Variants in RBMS1 observed in about 807,000 individuals in gnomAD.
RBMS1 encodes RNA-binding motif, single-stranded-interacting protein 1.
In RBMS1, 17 loss-of-function variants were observed where a neutral mutation model predicts 62.3. The ratio of observed to expected loss-of-function variants is 0.27; its 90% CI spans 0.19 to 0.41. The LOEUF (loss-of-function observed/expected upper bound fraction) is 0.41, where lower values mean the gene tolerates loss of function less well. Ranked by LOEUF, RBMS1 falls within the 10% of genes least tolerant of loss-of-function variation. The probability of loss-of-function intolerance (pLI) is 1.00; values close to 1 mark genes in which losing one functional copy is unlikely to be tolerated. For missense variants in RBMS1, 334 were observed against 504.5 expected (o/e 0.66, Z 3.24); for synonymous variants, 172 against 170.0 (o/e 1.01, Z -0.09).
chr2:160,366,982 A>C (rs1165747909), intron 2 of RBMS1: 1 of 348,044 alleles, frequency 2.9e-6, no homozygotes, highest in Admixed American at 4.5e-5. Context: ...CCATAAAGTC[A>C]AATTCTATTG....
At chr2:160,473,566 A>G (rs1351787799) in intron 1 of RBMS1, among the ~76,000 whole-genome samples, 6 of 152,226 alleles carry the variant, frequency 3.9e-5, no homozygotes, top group African/African-American at 9.6e-5. Flanking sequence ...GAGTTTTATA[A>G]GAATGAGGCT....
chr2:160,365,738 T>C (rs1693360077), intron 2 of RBMS1, among the ~76,000 whole-genome samples: 1 of 152,238 alleles, frequency 6.6e-6, no homozygotes, highest in African/African-American at 2.4e-5. Flanking sequence ...TTCTGCTTCT[T>C]ACAGTCATAT....
rs1696346569 is a variant in RBMS1, at chr2:160,419,771, C to CA, written c.76-52381dup. Among the ~76,000 whole-genome samples the CA allele has an allele frequency of 3.3e-5, 5 of 152,106 alleles. No individual in the cohort carries two copies. The South Asian group carries it at 1.0e-3, about 32-fold the overall frequency. On this transcript the variant is annotated intron_variant, in intron 1 of 13. Transcript: ENST00000348849. ...CTTTTAAATAACTACTTTATCTGCC[C>CA]ATTTACCTTTTCCTCATGAATCTCT...
intron 6 of RBMS1, among the ~76,000 whole-genome samples, chr2:160,299,586 T>C (rs1337024789): frequency 6.6e-6 from 1 of 152,056 alleles, no homozygotes; most frequent in African/African-American, 2.4e-5. Flanking sequence ...GGCAGAGCAA[T>C]GTCTCAATGA....
chr2:160,283,036 T>C (rs529866550), intron 9 of RBMS1: 1 of 152,306 alleles, frequency 6.6e-6, no homozygotes, highest in African/African-American at 2.4e-5. Flanking sequence ...CTATATCAAA[T>C]CTATTACTGA....
At chr2:160,313,421 G>A (rs1159123624) in intron 3 of RBMS1, among the ~76,000 whole-genome samples, 174 bp from the exon 4 acceptor site, 4 of 152,246 alleles carry the variant, frequency 2.6e-5, no homozygotes, top group South Asian at 2.1e-4. Context: ...CTTCCCTGTC[G>A]TCTATCACCA....
At chr2:160,379,373 T>C (rs1025640875) in intron 1 of RBMS1, among the ~76,000 whole-genome samples, 1 of 152,204 alleles carries the variant, frequency 6.6e-6, no homozygotes, top group African/African-American at 2.4e-5. Flanking sequence ...ATACTGCATA[T>C]TTGGACTGAG....
At chr2:160,464,572 T>C (rs1684609120) in intron 1 of RBMS1, among the ~76,000 whole-genome samples, 1 of 152,214 alleles carries the variant, frequency 6.6e-6, no homozygotes, top group Admixed American at 6.5e-5. Context: ...GTAAAGCATA[T>C]GGTCAATATT....
chr2:160,493,371 G>C lies in RBMS1; in HGVS notation c.-8C>G, dbSNP rs770886986. 1.2e-6 allele frequency: 2 copies of C among 1,613,070 alleles called. No homozygotes were observed. The highest frequency in any genetic ancestry group is 2.2e-5 in the South Asian group (2 of 91,062). The stretch of plus-strand genomic sequence containing the variant: ...TTTCCACACTTTGCCCATGAAGCTG[G>C]AAGGGAGCCTGCCGTGCAGGGTCGC... On this transcript the variant is annotated 5_prime_UTR_variant, in exon 1 of 14. Coordinates refer to ENST00000348849, the MANE Select transcript of RBMS1 (RefSeq NM_016836.4).
At chr2:160,424,471 G>A (rs895213261) in intron 1 of RBMS1, among the ~76,000 whole-genome samples, 7 of 151,834 alleles carry the variant, frequency 4.6e-5, no homozygotes, top group African/African-American at 7.3e-5. Flanking sequence ...TGAGAAGCAC[G>A]TTTTCTCTCA....
At chr2:160,417,085 T>C (rs924583546) in intron 1 of RBMS1, among the ~76,000 whole-genome samples, 2 of 152,190 alleles carry the variant, frequency 1.3e-5, no homozygotes, top group Non-Finnish European at 2.9e-5. Flanking sequence ...GTCCTGCACA[T>C]AGTTATGTTT....
chr2:160,315,986 T>A (rs1472076561), intron 3 of RBMS1, among the ~76,000 whole-genome samples: 1 of 152,222 alleles, frequency 6.6e-6, no homozygotes, highest in African/African-American at 2.4e-5. Context: ...CATTCCCATA[T>A]ATAAAGTCCT....
intron 1 of RBMS1, among the ~76,000 whole-genome samples, chr2:160,483,033 C>T (rs1685432145): frequency 6.6e-6 from 1 of 151,722 alleles, no homozygotes; most frequent in East Asian, 1.9e-4. Flanking sequence ...AGATATCACC[C>T]ACTGTCATTT....
At chr2:160,344,081 T>A (rs1203332197) in intron 2 of RBMS1, among the ~76,000 whole-genome samples, 1 of 152,174 alleles carries the variant, frequency 6.6e-6, no homozygotes, top group Non-Finnish European at 1.5e-5. Context: ...CAACTTGTCA[T>A]TAGGAAAGCA....
intron 6 of RBMS1, among the ~76,000 whole-genome samples, chr2:160,295,908 T>C (rs1193904324): frequency 2.0e-5 from 3 of 152,224 alleles, no homozygotes; most frequent in South Asian, 2.1e-4. Flanking sequence ...TCTCAAACTT[T>C]CCTTGTTGCA....
chr2:160,343,000 G>T (rs950355320), intron 2 of RBMS1, among the ~76,000 whole-genome samples: 3 of 152,014 alleles, frequency 2.0e-5, no homozygotes, highest in Non-Finnish European at 4.4e-5. Context: ...ACTGGAATAA[G>T]GGACCTATGA....
chr2:160,389,794 CTAGT>C (rs1694765600), intron 1 of RBMS1, among the ~76,000 whole-genome samples: 1 of 139,958 alleles, frequency 7.1e-6, no homozygotes, highest in Non-Finnish European at 1.5e-5. Flanking sequence ...ATGAAAATTA[CTAGT>C]TTTTTTTTTT....
chr2:160,315,775 T>C (rs1028963814), intron 3 of RBMS1, among the ~76,000 whole-genome samples: 5 of 152,232 alleles, frequency 3.3e-5, no homozygotes, highest in Admixed American at 6.5e-5. Flanking sequence ...TTACCAGCAT[T>C]GGAGGGCTTA....
intron 1 of RBMS1, among the ~76,000 whole-genome samples, chr2:160,380,989 T>A (rs969036251): frequency 6.6e-6 from 1 of 152,242 alleles, no homozygotes; most frequent in African/African-American, 2.4e-5. Context: ...TATGTTTTTT[T>A]AAATTAATAT....
Sources: gnomAD v4.1 joint callset for allele counts (sites outside exome capture counted in the v4.1 genomes callset) on GRCh38, gnomAD v4.1.1 for gene constraint, MANE v1.5 for transcripts, NCBI Gene and HGNC (gene_info 2026-07-23, HGNC 2026-07-21) for gene names.